The following UBR3 variants were observed in gnomAD, a reference collection of about 807,000 sequenced individuals.
UBR3 encodes E3 ubiquitin-protein ligase UBR3.
In UBR3, 85 loss-of-function variants were observed where a neutral mutation model predicts 243.2. The observed-to-expected ratio is 0.35, with a 90% CI of 0.29 to 0.42. The LOEUF (loss-of-function observed/expected upper bound fraction) is 0.42, where lower values mean the gene tolerates loss of function less well. Among genes scored for constraint, UBR3 ranks in the 10% least tolerant of loss-of-function variants. UBR3 has a pLI of 1.00. For synonymous variants in UBR3, 748 were observed against 799.8 expected (o/e 0.94, Z 1.09); for missense variants, 1,686 against 2,300.8 (o/e 0.73, Z 5.47).
chr2:170,069,487 A>G (rs2091651017), intron 35 of UBR3, among the ~76,000 whole-genome samples: 1 of 152,102 alleles, frequency 6.6e-6, no homozygotes, highest in South Asian at 2.1e-4. Flanking sequence ...AATTTCAAGT[A>G]TACAATACAG....
chr2:169,877,383 G>C (rs2083658164), intron 3 of UBR3, 111 bp from the exon 4 acceptor site: 2 of 944,196 alleles, frequency 2.1e-6, no homozygotes. Flanking sequence ...TCATTCTAGG[G>C]CTCCCACTCC....
chr2:169,851,397 G>C (rs574373100), intron 1 of UBR3, among the ~76,000 whole-genome samples: 40 of 152,282 alleles, frequency 2.6e-4, no homozygotes, highest in African/African-American at 8.7e-4. Flanking sequence ...CCAAAGCATT[G>C]GGATTACAGG....
intron 28 of UBR3, 129 bp from the exon 29 acceptor site, chr2:170,008,675 A>G (rs1323541290): frequency 1.9e-6 from 1 of 513,420 alleles, no homozygotes; most frequent in African/African-American, 1.9e-5. Context: ...TATTTATAAT[A>G]GATAATGTTC....
chr2:169,858,336 G>A (rs6433154), intron 1 of UBR3, among the ~76,000 whole-genome samples: 152,172 of 152,346 alleles, frequency 1, 76,000 homozygotes, highest in Middle Eastern at 1. Context: ...TCTTGTCACC[G>A]GGTATGATAG....
chr2:169,931,561 T>C (rs1310705365), intron 18 of UBR3, among the ~76,000 whole-genome samples: 1 of 152,034 alleles, frequency 6.6e-6, no homozygotes, highest in Non-Finnish European at 1.5e-5. Context: ...AGGGAGAAGC[T>C]TAAGCTTCTT....
At chr2:169,853,763 A>G (rs890436327) in intron 1 of UBR3, among the ~76,000 whole-genome samples, 2 of 144,998 alleles carry the variant, frequency 1.4e-5, no homozygotes, top group African/African-American at 5.0e-5. Context: ...TTTTTTCTTT[A>G]TAAAGGGACT....
intron 36 of UBR3, chr2:170,077,374 G>T: frequency 9.4e-7 from 1 of 1,062,342 alleles, no homozygotes; most frequent in Non-Finnish European, 1.4e-6. Context: ...AACATCCAAA[G>T]TTATATACAT....
At chr2:170,037,493 T>G (rs954085251) in intron 31 of UBR3, among the ~76,000 whole-genome samples, 12 of 152,132 alleles carry the variant, frequency 7.9e-5, no homozygotes, top group African/African-American at 2.9e-4. Context: ...GTTCAAGCAA[T>G]TCTTCTGACT....
At chr2:169,867,874 C>T (rs1043819051) in intron 1 of UBR3, among the ~76,000 whole-genome samples, 3 of 152,094 alleles carry the variant, frequency 2.0e-5, no homozygotes, top group Non-Finnish European at 4.4e-5. Context: ...TCCCCCAAAT[C>T]GTGTTATTTT....
At chr2:169,865,614 A>G (rs1421074016) in intron 1 of UBR3, among the ~76,000 whole-genome samples, 1 of 152,056 alleles carries the variant, frequency 6.6e-6, no homozygotes, top group East Asian at 1.9e-4. Context: ...TTCCTGCACA[A>G]AGTGTCCAAG....
chr2:169,967,410 T>A (rs2105373243), intron 24 of UBR3, among the ~76,000 whole-genome samples: 1 of 152,240 alleles, frequency 6.6e-6, no homozygotes, highest in Middle Eastern at 3.4e-3. Flanking sequence ...GGGAAAAGTT[T>A]TATTTTTTTA....
At chr2:170,027,424 T>C (rs552619815) in intron 30 of UBR3, among the ~76,000 whole-genome samples, 1 of 151,828 alleles carries the variant, frequency 6.6e-6, no homozygotes, top group Non-Finnish European at 1.5e-5. Context: ...GAAAAACTTT[T>C]CTACTAACAT....
chr2:170,075,168 TAAA>T (rs2091779223), intron 36 of UBR3, among the ~76,000 whole-genome samples: 1 of 152,182 alleles, frequency 6.6e-6, no homozygotes, highest in Non-Finnish European at 1.5e-5. Context: ...CTGAAATCCT[TAAA>T]AAGATGCTAT....
chr2:169,994,354 A>G lies in UBR3; in HGVS notation c.3816A>G (p.Pro1272=), dbSNP rs376550294. 3 of 1,613,918 alleles carry G rather than the reference A, an allele frequency of 1.9e-6. No individual in the cohort carries two copies. The highest frequency in any genetic ancestry group is 1.7e-6 in the Non-Finnish European group (2 of 1,179,846). Residue 1272 remains proline (P), a synonymous_variant, in exon 26 of 39, where the codon CCA becomes CCG. Transcript: ENST00000272793. ...VLGQCRDNVE[P]KKLPISEEEQ... ...GGCAGTGCCGTGACAATGTTGAGCC[A>G]AAAAAGTTGCCGATCAGTGAAGAGG...
chr2:170,069,400 A>G (rs576023862), intron 35 of UBR3, among the ~76,000 whole-genome samples: 1 of 152,268 alleles, frequency 6.6e-6, no homozygotes, highest in South Asian at 2.1e-4. Flanking sequence ...GATGACCACA[A>G]TCAGGCTAAT....
At chr2:169,881,970 A>AC (rs2083877248) in intron 5 of UBR3, among the ~76,000 whole-genome samples, 2 of 103,548 alleles carry the variant, frequency 1.9e-5, no homozygotes, top group Non-Finnish European at 4.1e-5. Flanking sequence ...ATACATATGT[A>AC]ATTATATTAT....
intron 6 of UBR3, among the ~76,000 whole-genome samples, chr2:169,893,081 G>A (rs73011777): frequency 0.044 from 6,625 of 152,218 alleles, 165 homozygotes; most frequent in Middle Eastern, 0.068. Flanking sequence ...AAGCATTTCT[G>A]ACTACATTTT....
intron 23 of UBR3, among the ~76,000 whole-genome samples, chr2:169,953,836 CTT>C (rs1485327679): frequency 2.0e-5 from 3 of 152,250 alleles, no homozygotes; most frequent in East Asian, 3.9e-4. Context: ...TATGGCAAAA[CTT>C]ACAGATTTAC....
intron 5 of UBR3, among the ~76,000 whole-genome samples, chr2:169,886,146 G>C (rs1175777125): frequency 7.3e-6 from 1 of 137,736 alleles, no homozygotes; most frequent in Non-Finnish European, 1.6e-5. Flanking sequence ...GACAGAGTGA[G>C]ACTCCGTCTC....
Sources: gnomAD v4.1 joint callset for allele counts (sites outside exome capture counted in the v4.1 genomes callset) on GRCh38, gnomAD v4.1.1 for gene constraint, MANE v1.5 for transcripts, NCBI Gene and HGNC (gene_info 2026-07-23, HGNC 2026-07-21) for gene names.